The following CTNND2 variants were observed in gnomAD, a reference collection of about 807,000 sequenced individuals.
CTNND2 encodes catenin delta-2.
In CTNND2, 22 loss-of-function variants were observed where a neutral mutation model predicts 144.4. That is an observed-to-expected ratio of 0.15 (90% confidence interval 0.11 to 0.22). The LOEUF (loss-of-function observed/expected upper bound fraction) is 0.22. Ranked by LOEUF, CTNND2 falls within the 10% of genes least tolerant of loss-of-function variation. The probability of loss-of-function intolerance (pLI) is 1.00; values close to 1 mark genes in which losing one functional copy is unlikely to be tolerated. For missense variants in CTNND2, 1,353 were observed against 1,618.8 expected (o/e 0.84, Z 2.82); for synonymous variants, 751 against 695.6 (o/e 1.08, Z -1.25).
intron 2 of CTNND2, among the ~76,000 whole-genome samples, chr5:11,717,232 A>T (rs1385135560): frequency 2.0e-5 from 3 of 151,998 alleles, no homozygotes; most frequent in Non-Finnish European, 4.4e-5. Flanking sequence ...AAGACAGAAA[A>T]TGAGTTTCAC....
At chr5:11,541,264 A>G (rs186790125) in intron 3 of CTNND2, among the ~76,000 whole-genome samples, 4 of 152,278 alleles carry the variant, frequency 2.6e-5, no homozygotes, top group Admixed American at 2.0e-4. Flanking sequence ...GGCGATTCTA[A>G]TATTATAGCA....
At chr5:11,133,318 T>C (rs527876291) in intron 12 of CTNND2, among the ~76,000 whole-genome samples, 58 of 152,304 alleles carry the variant, frequency 3.8e-4, no homozygotes, top group African/African-American at 1.3e-3. Context: ...AGTAATTTAA[T>C]CTTAATTACT....
At chr5:11,030,393 T>C (rs781220759) in intron 16 of CTNND2, among the ~76,000 whole-genome samples, 8 of 152,146 alleles carry the variant, frequency 5.3e-5, no homozygotes, top group Non-Finnish European at 7.4e-5. Flanking sequence ...TTCTTGATGA[T>C]GTCCACAGAA....
chr5:11,836,630 G>C (rs1224818909), intron 1 of CTNND2, among the ~76,000 whole-genome samples: 1 of 150,798 alleles, frequency 6.6e-6, no homozygotes, highest in East Asian at 1.9e-4. Flanking sequence ...CTTTGAAAAA[G>C]GAAATACATC....
At chr5:11,142,608 C>CTTT (rs955587756) in intron 12 of CTNND2, among the ~76,000 whole-genome samples, 6 of 133,286 alleles carry the variant, frequency 4.5e-5, no homozygotes, top group Admixed American at 7.6e-5. Flanking sequence ...AATTTAAACT[C>CTTT]TTTTTTTTTT....
chr5:11,399,264 A>T (rs1482027515), intron 5 of CTNND2, among the ~76,000 whole-genome samples: 3 of 152,168 alleles, frequency 2.0e-5, no homozygotes, highest in Admixed American at 1.3e-4. Flanking sequence ...AATGCATCCT[A>T]AGGGCAAAGA....
At chr5:11,878,836 G>A (rs1158957492) in intron 1 of CTNND2, among the ~76,000 whole-genome samples, 1 of 152,168 alleles carries the variant, frequency 6.6e-6, no homozygotes, top group Non-Finnish European at 1.5e-5. Flanking sequence ...TGGACATTGG[G>A]GCACCATCAT....
intron 16 of CTNND2, among the ~76,000 whole-genome samples, chr5:11,051,853 C>A (rs1745861071): frequency 6.6e-6 from 1 of 152,148 alleles, no homozygotes; most frequent in Admixed American, 6.5e-5. Flanking sequence ...TGAGAATAAA[C>A]TTCAAAATAA....
At chr5:11,215,398 C>A (rs1043160337) in intron 10 of CTNND2, among the ~76,000 whole-genome samples, 4 of 152,234 alleles carry the variant, frequency 2.6e-5, no homozygotes, top group African/African-American at 9.6e-5. Context: ...TAAAATGCCT[C>A]TGCCCTATGT....
At chr5:11,889,489 G>A (rs1010647385) in intron 1 of CTNND2, among the ~76,000 whole-genome samples, 1 of 152,168 alleles carries the variant, frequency 6.6e-6, no homozygotes, top group Non-Finnish European at 1.5e-5. Context: ...ATACTCGTTA[G>A]GCCAAAGGAA....
chr5:11,391,603 A>T (rs61749823), intron 6 of CTNND2, among the ~76,000 whole-genome samples: 1 of 152,360 alleles, frequency 6.6e-6, no homozygotes, highest in African/African-American at 2.4e-5. Flanking sequence ...AAGGAATGCC[A>T]TTCTTTAATT....
intron 11 of CTNND2, among the ~76,000 whole-genome samples, chr5:11,182,425 T>G (rs1317081758): frequency 6.6e-6 from 1 of 152,054 alleles, no homozygotes; most frequent in Non-Finnish European, 1.5e-5. Flanking sequence ...AGTTAGTGAC[T>G]TAGTTTTTGG....
At chr5:11,846,713 CA>C (rs1380141769) in intron 1 of CTNND2, among the ~76,000 whole-genome samples, 2 of 151,918 alleles carry the variant, frequency 1.3e-5, no homozygotes, top group Non-Finnish European at 2.9e-5. Context: ...GGCTGATAGC[CA>C]GAACTTATAA....
At chr5:11,170,517 A>C (rs1271513525) in intron 11 of CTNND2, among the ~76,000 whole-genome samples, 1 of 152,158 alleles carries the variant, frequency 6.6e-6, no homozygotes, top group Non-Finnish European at 1.5e-5. Context: ...TACTTTTACA[A>C]CTAATTTTTC....
intron 3 of CTNND2, among the ~76,000 whole-genome samples, chr5:11,547,988 A>G (rs1364376915): frequency 6.6e-6 from 1 of 152,168 alleles, no homozygotes; most frequent in Non-Finnish European, 1.5e-5. Flanking sequence ...GACTCTGCAA[A>G]TGTTCTCAGG....
intron 2 of CTNND2, among the ~76,000 whole-genome samples, chr5:11,644,952 G>A (rs1782271176): frequency 6.6e-6 from 1 of 152,082 alleles, no homozygotes; most frequent in Non-Finnish European, 1.5e-5. Context: ...TTATATATAT[G>A]TATATACTTT....
chr5:11,826,194 T>G (rs911407903), intron 1 of CTNND2, among the ~76,000 whole-genome samples: 1 of 152,046 alleles, frequency 6.6e-6, no homozygotes, highest in Admixed American at 6.6e-5. Context: ...GAAAAAATCA[T>G]AGTTCAGATT....
intron 1 of CTNND2, among the ~76,000 whole-genome samples, chr5:11,897,858 G>C (rs1464612091): frequency 6.6e-6 from 1 of 152,196 alleles, no homozygotes; most frequent in African/African-American, 2.4e-5. Flanking sequence ...TGCCAATGGG[G>C]AACACTTCTT....
At chr5:11,526,952 T>C (rs1773306446) in intron 3 of CTNND2, among the ~76,000 whole-genome samples, 1 of 152,182 alleles carries the variant, frequency 6.6e-6, no homozygotes, top group Admixed American at 6.5e-5. Flanking sequence ...AGATGAATCT[T>C]AATGACATGC....
Sources: gnomAD v4.1 joint callset for allele counts (sites outside exome capture counted in the v4.1 genomes callset) on GRCh38, gnomAD v4.1.1 for gene constraint, MANE v1.5 for transcripts, NCBI Gene and HGNC (gene_info 2026-07-23, HGNC 2026-07-21) for gene names.